The following RBMS3 variants were observed in gnomAD, a reference collection of about 807,000 sequenced individuals.
RBMS3 encodes RNA-binding motif, single-stranded-interacting protein 3.
Under a neutral mutation model 66.8 loss-of-function variants are expected in RBMS3, and 27 were observed. That is an observed-to-expected ratio of 0.40 (90% CI 0.30 to 0.56). The LOEUF (loss-of-function observed/expected upper bound fraction) is 0.56. Among genes scored for constraint, RBMS3 ranks in the 20% least tolerant of loss-of-function variants. The pLI is 0.40. For synonymous variants in RBMS3, 188 were observed against 183.0 expected (o/e 1.03, Z -0.22); for missense variants, 513 against 549.5 (o/e 0.93, Z 0.66).
At chr3:29,724,287 T>C (rs2053764998) in intron 4 of RBMS3, among the ~76,000 whole-genome samples, 1 of 152,186 alleles carries the variant, frequency 6.6e-6, no homozygotes, top group Non-Finnish European at 1.5e-5. Context: ...ACATGACTTA[T>C]ATTTACTTAG....
At chr3:29,866,835 C>G (rs2059375390) in intron 6 of RBMS3, among the ~76,000 whole-genome samples, 2 of 152,118 alleles carry the variant, frequency 1.3e-5, no homozygotes, top group Admixed American at 6.5e-5. Flanking sequence ...CTGGCTTCAC[C>G]CAAGTCACTG....
At chr3:29,708,502 G>C (rs2053010615) in intron 4 of RBMS3, among the ~76,000 whole-genome samples, 1 of 152,158 alleles carries the variant, frequency 6.6e-6, no homozygotes, top group South Asian at 2.1e-4. Flanking sequence ...ATTAGATCTT[G>C]TAAGAAACAA....
intron 6 of RBMS3, among the ~76,000 whole-genome samples, chr3:29,764,497 G>A (rs1032348482): frequency 1.3e-5 from 2 of 151,624 alleles, no homozygotes; most frequent in Non-Finnish European, 1.5e-5. Context: ...TTCATCCAAC[G>A]GATACCTATT....
intron 1 of RBMS3, among the ~76,000 whole-genome samples, chr3:29,395,213 A>G (rs143526293): frequency 6.6e-6 from 1 of 152,288 alleles, no homozygotes; most frequent in Non-Finnish European, 1.5e-5. Flanking sequence ...GTCATTTTCT[A>G]CCACAAGTTT....
intron 10 of RBMS3, among the ~76,000 whole-genome samples, chr3:29,923,182 A>G (rs2060839552): frequency 6.6e-6 from 1 of 152,216 alleles, no homozygotes; most frequent in African/African-American, 2.4e-5. Flanking sequence ...CAAGGAAGTG[A>G]TCAGGGCTGT....
intron 6 of RBMS3, among the ~76,000 whole-genome samples, chr3:29,777,400 C>T (rs1050843166): frequency 4.0e-5 from 6 of 151,842 alleles, no homozygotes; most frequent in African/African-American, 1.2e-4. Context: ...TTAAAATAGT[C>T]GAGCATATTA....
chr3:29,409,174 A>T (rs1260368838), intron 1 of RBMS3, among the ~76,000 whole-genome samples: 1 of 104,194 alleles, frequency 9.6e-6, no homozygotes, highest in African/African-American at 4.3e-5. Flanking sequence ...GAAATAGATA[A>T]AAAAAAGTAG....
At chr3:29,441,035 T>C (rs1208386382) in intron 2 of RBMS3, among the ~76,000 whole-genome samples, 1 of 151,756 alleles carries the variant, frequency 6.6e-6, no homozygotes, top group Admixed American at 6.6e-5. Flanking sequence ...AAGTTTCCTC[T>C]AATAAGACCC....
intron 3 of RBMS3, among the ~76,000 whole-genome samples, chr3:29,509,517 G>A (rs984160806): frequency 1.3e-5 from 2 of 152,136 alleles, no homozygotes; most frequent in African/African-American, 4.8e-5. Context: ...GCAGATTTGG[G>A]ATATAAATTC....
intron 6 of RBMS3, among the ~76,000 whole-genome samples, chr3:29,827,000 G>A (rs940194804): frequency 2.6e-5 from 4 of 152,032 alleles, no homozygotes; most frequent in African/African-American, 4.8e-5. Flanking sequence ...GGGCAAAGGG[G>A]GAACTGAGTG....
intron 1 of RBMS3, among the ~76,000 whole-genome samples, chr3:29,307,922 A>G (rs942207369): frequency 2.0e-5 from 3 of 151,834 alleles, no homozygotes; most frequent in Non-Finnish European, 4.4e-5. Context: ...ATAAAAATTA[A>G]TGAGTGAATG....
chr3:29,473,027 T>G (rs2042799860), intron 2 of RBMS3, among the ~76,000 whole-genome samples: 1 of 151,424 alleles, frequency 6.6e-6, no homozygotes, highest in Admixed American at 6.6e-5. Context: ...TCAGAGTAGC[T>G]AGATACAGAG....
At chr3:29,862,988 G>A (rs1007194051) in intron 6 of RBMS3, among the ~76,000 whole-genome samples, 2 of 152,020 alleles carry the variant, frequency 1.3e-5, no homozygotes, top group Non-Finnish European at 2.9e-5. Context: ...TATCTTAAAG[G>A]TATTTAGGAA....
intron 3 of RBMS3, among the ~76,000 whole-genome samples, chr3:29,539,569 AAG>A (rs1241789889): frequency 1.3e-5 from 2 of 152,186 alleles, no homozygotes; most frequent in African/African-American, 4.8e-5. Context: ...CTGTGAATAA[AAG>A]AAGAATCAAC....
chr3:29,715,708 A>G lies in RBMS3; in HGVS notation c.400-24012A>G, dbSNP rs376874421. On this transcript the variant is annotated intron_variant, in intron 4 of 14. Transcript: ENST00000383767. Reference sequence around the variant, plus strand: ...AGACCTGGTAACTGAGAAGTGAAAAACCAATCTCAATGTCAGAGGTAAAAG... The same window carrying G: ...AGACCTGGTAACTGAGAAGTGAAAAGCCAATCTCAATGTCAGAGGTAAAAG... Among the ~76,000 whole-genome samples the G allele has an allele frequency of 1.9e-3, 292 of 152,212 alleles. 13 individuals are homozygous for G. In the South Asian group the frequency reaches 0.058, roughly 30 times the overall value.
intron 8 of RBMS3, among the ~76,000 whole-genome samples, chr3:29,894,153 T>C (rs1433806674): frequency 2.0e-5 from 3 of 151,588 alleles, no homozygotes; most frequent in African/African-American, 4.8e-5. Flanking sequence ...TCAAGATCAA[T>C]GTAGCCGATT....
chr3:29,908,436 C>G (rs924135036), intron 10 of RBMS3, among the ~76,000 whole-genome samples: 5 of 152,072 alleles, frequency 3.3e-5, no homozygotes, highest in Admixed American at 3.3e-4. Flanking sequence ...ATAATTAGAT[C>G]ATAGGCCATA....
At chr3:29,446,713 T>C (rs1286509350) in intron 2 of RBMS3, among the ~76,000 whole-genome samples, 1 of 152,162 alleles carries the variant, frequency 6.6e-6, no homozygotes, top group Non-Finnish European at 1.5e-5. Flanking sequence ...TTCTTCAATA[T>C]AATAAAGCAG....
At chr3:29,741,120 T>G (rs2054624735) in intron 5 of RBMS3, among the ~76,000 whole-genome samples, 1 of 152,128 alleles carries the variant, frequency 6.6e-6, no homozygotes, top group African/African-American at 2.4e-5. Flanking sequence ...GTCATGTATA[T>G]GTTAACTAAT....
Sources: gnomAD v4.1 joint callset for allele counts (sites outside exome capture counted in the v4.1 genomes callset) on GRCh38, gnomAD v4.1.1 for gene constraint, MANE v1.5 for transcripts, NCBI Gene and HGNC (gene_info 2026-07-23, HGNC 2026-07-21) for gene names.